Variants in RYR3 observed in about 807,000 individuals in gnomAD.
RYR3 encodes the protein ryanodine receptor 3.
A neutral mutation model predicts 584.3 loss-of-function variants in RYR3; 207 were observed. The ratio of observed to expected loss-of-function variants is 0.35; its 90% CI spans 0.32 to 0.40. The LOEUF (loss-of-function observed/expected upper bound fraction) is 0.40. Among genes scored for constraint, RYR3 ranks in the 10% least tolerant of loss-of-function variants. The pLI is 1.00. For missense variants in RYR3, 5,616 were observed against 6,089.2 expected (o/e 0.92, Z 2.59); for synonymous variants, 2,416 against 2,248.5 (o/e 1.07, Z -2.11).
intron 53 of RYR3, among the ~76,000 whole-genome samples, chr15:33,746,487 C>A (rs148527340): frequency 6.6e-6 from 1 of 152,096 alleles, no homozygotes; most frequent in African/African-American, 2.4e-5. Context: ...GGAGAAGGCA[C>A]GGTGAAATTG....
At chr15:33,746,478 G>C (rs73381144) in intron 53 of RYR3, among the ~76,000 whole-genome samples, 3,105 of 152,266 alleles carry the variant, frequency 0.02, 107 homozygotes, top group African/African-American at 0.071. Flanking sequence ...GCGGGGCAGG[G>C]AGAAGGCACG....
chr15:33,616,751 A>G (rs553445891), intron 19 of RYR3, among the ~76,000 whole-genome samples: 3 of 152,346 alleles, frequency 2.0e-5, no homozygotes, highest in South Asian at 2.1e-4. Flanking sequence ...CCTGTCTCTC[A>G]GGAAACTATG....
chr15:33,670,448 G>A lies in RYR3; in HGVS notation c.5752G>A (p.Glu1918Lys). The change falls in exon 38 of 104, where the codon GAG becomes AAG. Residue 1918 changes from glutamate to lysine, a missense_variant. Coordinates refer to ENST00000634891, the MANE Select transcript of RYR3 (RefSeq NM_001036.6). ...TCCTTTGGAAGAAGAGGAAGAGGAG[G>A]AGGAGGACACCTCCTGGACAGGAAA... ...GVPLEEEEEE[E>K]EDTSWTGKLC... 1 of 1,613,758 alleles carries A rather than the reference G, an allele frequency of 6.2e-7. No homozygotes were observed. The highest frequency in any genetic ancestry group is 8.5e-7 in the Non-Finnish European group (1 of 1,179,770).
intron 1 of RYR3, among the ~76,000 whole-genome samples, chr15:33,341,264 T>A (rs900247441): frequency 6.6e-6 from 1 of 151,972 alleles, no homozygotes; most frequent in East Asian, 1.9e-4. Flanking sequence ...ATCTCGAACC[T>A]CTGACCTCAA....
Position 33,328,244 on chromosome 15 carries a change from C to T in RYR3, c.51+17148C>T, listed in dbSNP as rs139914567. Among the ~76,000 whole-genome samples, 515 of 152,292 alleles carry T rather than the reference C, an allele frequency of 3.4e-3. 2 individuals are homozygous for T. Among genetic ancestry groups the T allele is most frequent in the African/African-American group, 0.012 (487 of 41,562 alleles). On this transcript the variant is annotated intron_variant, in intron 1 of 103. Transcript: ENST00000634891. ...CTAAACTCTACATCCATCCTATTTC[C>T]ACCTATGTAGTATCATGAGTTCCCT...
chr15:33,337,277 C>T (rs1213685313), intron 1 of RYR3, among the ~76,000 whole-genome samples: 10 of 152,056 alleles, frequency 6.6e-5, no homozygotes, highest in Middle Eastern at 6.8e-3. Flanking sequence ...TCAAAACTGA[C>T]TCACAAAGAA....
chr15:33,397,938 C>A (rs977285357), intron 1 of RYR3, among the ~76,000 whole-genome samples: 1 of 152,134 alleles, frequency 6.6e-6, no homozygotes, highest in African/African-American at 2.4e-5. Context: ...TTTTTCTGGG[C>A]TCCCTTTGTC....
intron 12 of RYR3, among the ~76,000 whole-genome samples, chr15:33,571,406 G>A (rs1005661442): frequency 6.6e-6 from 1 of 152,052 alleles, no homozygotes; most frequent in African/African-American, 2.4e-5. Flanking sequence ...GGGTATTGAT[G>A]TTTCTGTTAC....
At chr15:33,468,697 A>T (rs928262767) in intron 1 of RYR3, among the ~76,000 whole-genome samples, 1 of 152,250 alleles carries the variant, frequency 6.6e-6, no homozygotes, top group Non-Finnish European at 1.5e-5. Flanking sequence ...ATAGGGTTGC[A>T]GTGTAAAAAC....
At chr15:33,433,469 T>C (rs1276212254) in intron 1 of RYR3, among the ~76,000 whole-genome samples, 2 of 151,772 alleles carry the variant, frequency 1.3e-5, no homozygotes, top group Admixed American at 6.6e-5. Flanking sequence ...GCTGGACATA[T>C]AAGATGACAT....
At chr15:33,671,590 C>G (rs1168173761) in intron 38 of RYR3, among the ~76,000 whole-genome samples, 2 of 152,002 alleles carry the variant, frequency 1.3e-5, no homozygotes, top group Non-Finnish European at 2.9e-5. Context: ...AATGGCAACC[C>G]TTGATAGGGT....
At chr15:33,421,172 T>G (rs2044216294) in intron 1 of RYR3, among the ~76,000 whole-genome samples, 1 of 152,142 alleles carries the variant, frequency 6.6e-6, no homozygotes, top group Admixed American at 6.5e-5. Flanking sequence ...TGAAGCTGAA[T>G]TTTAGATTTC....
At chr15:33,469,561 T>G (rs1248314747) in intron 1 of RYR3, among the ~76,000 whole-genome samples, 3 of 151,736 alleles carry the variant, frequency 2.0e-5, no homozygotes, top group African/African-American at 7.3e-5. Flanking sequence ...TAATGATGTG[T>G]AAGCTGAGGT....
intron 1 of RYR3, among the ~76,000 whole-genome samples, chr15:33,353,260 G>T (rs1245167884): frequency 1.3e-5 from 2 of 152,324 alleles, no homozygotes; most frequent in Middle Eastern, 3.4e-3. Context: ...AGTAACTGAA[G>T]AATTTTAAGG....
chr15:33,476,202 G>A (rs960233101), intron 2 of RYR3, among the ~76,000 whole-genome samples: 9 of 152,086 alleles, frequency 5.9e-5, no homozygotes, highest in South Asian at 4.2e-4. Context: ...TGTATTTATC[G>A]TTGTTTTACC....
intron 18 of RYR3, among the ~76,000 whole-genome samples, chr15:33,610,614 A>G (rs1249929864): frequency 2.6e-5 from 4 of 152,292 alleles, no homozygotes; most frequent in Middle Eastern, 3.4e-3. Flanking sequence ...CAGTGATTTT[A>G]CCATTTAAAA....
intron 29 of RYR3, 75 bp from the exon 30 acceptor site, chr15:33,647,349 G>A: frequency 8.4e-7 from 1 of 1,188,998 alleles, no homozygotes; most frequent in Non-Finnish European, 1.2e-6. Context: ...ATTGAAGGTA[G>A]ATCAAGTTGC....
At chr15:33,516,060 A>G (rs145945594) in intron 3 of RYR3, among the ~76,000 whole-genome samples, 3 of 152,120 alleles carry the variant, frequency 2.0e-5, no homozygotes, top group Non-Finnish European at 4.4e-5. Context: ...TAACAAAAAA[A>G]CCTTTATTAT....
chr15:33,716,676 C>G (rs988775107), intron 43 of RYR3, among the ~76,000 whole-genome samples: 17 of 152,130 alleles, frequency 1.1e-4, no homozygotes, highest in Non-Finnish European at 1.2e-4. Context: ...TCTTTTCACC[C>G]TAAGTGAATT....
Sources: allele counts gnomAD v4.1 joint callset (sites outside exome capture counted in the v4.1 genomes callset), GRCh38; gene constraint gnomAD v4.1.1; transcripts MANE v1.5; gene names NCBI Gene and HGNC (gene_info 2026-07-23, HGNC 2026-07-21).